Variants in RYR2 observed in about 807,000 individuals in gnomAD.
RYR2 encodes ryanodine receptor 2.
Under a neutral mutation model 601.1 loss-of-function variants are expected in RYR2, and 227 were observed. That is an observed-to-expected ratio of 0.38 (90% CI 0.34 to 0.42). RYR2 has a LOEUF of 0.42. Among genes scored for constraint, RYR2 ranks in the 10% least tolerant of loss-of-function variants. The pLI, the probability that RYR2 is intolerant of heterozygous loss-of-function variation, is 1.00. For missense variants in RYR2, 4,646 were observed against 6,156.5 expected (o/e 0.75, Z 8.21); for synonymous variants, 2,223 against 2,175.1 (o/e 1.02, Z -0.61).
chr1:237,370,913 G>T (rs543799467), intron 6 of RYR2, among the ~76,000 whole-genome samples: 1 of 152,270 alleles, frequency 6.6e-6, no homozygotes, highest in African/African-American at 2.4e-5. Flanking sequence ...GCCTGCCTCG[G>T]CCTTCCGGAG....
intron 1 of RYR2, among the ~76,000 whole-genome samples, chr1:237,133,016 G>A (rs1192810510): frequency 6.6e-6 from 1 of 152,164 alleles, no homozygotes; most frequent in East Asian, 1.9e-4. Flanking sequence ...GCATGCAAGG[G>A]AGATCTGTGA....
chr1:237,272,461 A>G (rs1463131049), intron 2 of RYR2, among the ~76,000 whole-genome samples: 1 of 151,790 alleles, frequency 6.6e-6, no homozygotes, highest in Non-Finnish European at 1.5e-5. Flanking sequence ...TCTCCCTAAG[A>G]GTATAAGAAA....
chr1:237,461,678 CA>C (rs985640798), intron 16 of RYR2, among the ~76,000 whole-genome samples: 3 of 150,562 alleles, frequency 2.0e-5, no homozygotes, highest in African/African-American at 7.3e-5. Context: ...TCTCTAATGC[CA>C]GATAATTGAT....
chr1:237,303,947 CT>C (rs1422529050), intron 2 of RYR2, among the ~76,000 whole-genome samples: 1 of 152,078 alleles, frequency 6.6e-6, no homozygotes, highest in South Asian at 2.1e-4. Flanking sequence ...CCTTGTTTTC[CT>C]TTTTTTGTGT....
In RYR2 at chr1:237,784,040, C is replaced by A; in HGVS notation, c.12328C>A (p.Pro4110Thr). 6.2e-7 allele frequency: 1 copy of A among 1,614,014 alleles called. No individual in the cohort carries two copies. ...TCTGACAAACCTCTCTGAGCACATG[C>A]CCAACGATACCCGACTTCAGACTTT... ...VLLTNLSEHM[P>T]NDTRLQTFLE... Residue 4110 changes from proline (P) to threonine (T), a missense_variant, in exon 90 of 105, where the codon CCC (proline) becomes ACC (threonine). Pro to Thr is a conservative substitution (Grantham distance 38). Transcript: ENST00000366574. The surrounding 1 kb of genome is among the most constrained non-coding windows in gnomAD (Gnocchi z 7.1).
chr1:237,148,561 C>CATATAT (rs1558320364), intron 1 of RYR2, among the ~76,000 whole-genome samples: 1 of 109,748 alleles, frequency 9.1e-6, no homozygotes, highest in Admixed American at 8.8e-5. Flanking sequence ...TATACACACA[C>CATATAT]ACATATATAT....
chr1:237,325,416 C>T (rs1696054393), intron 2 of RYR2, among the ~76,000 whole-genome samples: 1 of 152,070 alleles, frequency 6.6e-6, no homozygotes. Context: ...GCAAATAGGC[C>T]AGGCGTGGTG....
At chr1:237,084,162 A>C (rs997229435) in intron 1 of RYR2, among the ~76,000 whole-genome samples, 6 of 152,090 alleles carry the variant, frequency 3.9e-5, no homozygotes, top group African/African-American at 1.4e-4. Context: ...ACAGGAGCTC[A>C]CCGTGGAAAG....
chr1:237,256,791 G>A (rs79057792), intron 1 of RYR2, among the ~76,000 whole-genome samples: 101 of 152,206 alleles, frequency 6.6e-4, no homozygotes, highest in East Asian at 1.4e-3. Flanking sequence ...GAGAACGGTC[G>A]CTTTCTCATC....
chr1:237,573,231 T>TACACACACACAC (rs10556537), intron 29 of RYR2, among the ~76,000 whole-genome samples: 44 of 148,920 alleles, frequency 3.0e-4, no homozygotes, highest in Middle Eastern at 3.5e-3. Flanking sequence ...GATATACACA[T>TACACACACACAC]ACACACACAC....
chr1:237,136,049 T>C (rs1337797), intron 1 of RYR2, among the ~76,000 whole-genome samples: 101,935 of 152,094 alleles, frequency 0.67, 34,213 homozygotes, highest in South Asian at 0.75. Flanking sequence ...TCAGATCCTC[T>C]TCACTGGCTG....
rs751520306 is a variant in RYR2, at chr1:237,674,758, G to T, written c.8742G>T (p.Thr2914=). 1.2e-6 allele frequency: 2 copies of T among 1,611,616 alleles called. No homozygotes were observed. Among genetic ancestry groups the T allele is most frequent in the East Asian group, 2.2e-5 (1 of 44,834 alleles). ...GATTTAAGGACCTGGAACTGGACAC[G>T]CCTTCTATTGAGAAACGATTTGCCT... is the stretch of plus-strand genomic sequence containing the variant. ...SRGFKDLELD[T]PSIEKRFAYS... The change falls in exon 60 of 105, where the codon ACG becomes ACT. Residue 2914 remains threonine (T), a synonymous_variant. Transcript: ENST00000366574.
At chr1:237,474,791 A>G (rs1157076740) in intron 17 of RYR2, among the ~76,000 whole-genome samples, 3 of 152,216 alleles carry the variant, frequency 2.0e-5, no homozygotes, top group African/African-American at 7.2e-5. Context: ...GCATAAGAGA[A>G]GACACCTCAC....
At chr1:237,674,041 A>G (rs1300177942) in intron 58 of RYR2, 55 bp from the exon 59 acceptor site, 30 of 1,445,328 alleles carry the variant, frequency 2.1e-5, no homozygotes, top group Non-Finnish European at 2.4e-5. Context: ...TCTGTGTCTC[A>G]TCTCAGATTC....
intron 1 of RYR2, among the ~76,000 whole-genome samples, chr1:237,201,948 G>A (rs1447330004): frequency 6.6e-6 from 1 of 152,108 alleles, no homozygotes; most frequent in African/African-American, 2.4e-5. Context: ...ATCAACAAAG[G>A]CCTATCTCAA....
At chr1:237,605,409 G>C (rs1677005709) in intron 35 of RYR2, among the ~76,000 whole-genome samples, 1 of 152,128 alleles carries the variant, frequency 6.6e-6, no homozygotes, top group Non-Finnish European at 1.5e-5. Context: ...ATTAGGTATT[G>C]ATGGGACGTA....
At chr1:237,424,583 C>T (rs1705941676) in intron 12 of RYR2, among the ~76,000 whole-genome samples, 1 of 152,176 alleles carries the variant, frequency 6.6e-6, no homozygotes, top group African/African-American at 2.4e-5. Flanking sequence ...AACTACAATA[C>T]ATGCACTACA....
At position 237,449,329 on chromosome 1, in the gene RYR2, A is replaced by G. The variant is rs1342911030; in HGVS notation, c.1292+3807A>G. ...TTAGTGGTTACTTACGGTTTATAGC[A>G]TGTATCTTTAATTTGCCACAGTCTA... On this transcript the variant is annotated intron_variant, in intron 14 of 104. Coordinates refer to ENST00000366574, the MANE Select transcript of RYR2 (RefSeq NM_001035.3). 2.0e-5 allele frequency among the ~76,000 whole-genome samples: 3 copies of G among 152,154 alleles called. No homozygotes were observed. The South Asian group carries it at 6.2e-4, about 31-fold the overall frequency.
At chr1:237,300,760 AC>A (rs1317874821) in intron 2 of RYR2, among the ~76,000 whole-genome samples, 3 of 152,264 alleles carry the variant, frequency 2.0e-5, no homozygotes, top group Admixed American at 1.3e-4. Flanking sequence ...CATACCGGTG[AC>A]CTTTCCACAT....
Sources: allele counts gnomAD v4.1 joint callset (sites outside exome capture counted in the v4.1 genomes callset), GRCh38; gene constraint gnomAD v4.1.1; non-coding constraint Gnocchi (gnomAD v3.1); transcripts MANE v1.5; gene names NCBI Gene and HGNC (gene_info 2026-07-23, HGNC 2026-07-21).